Variants in PIP4P2 observed in about 807,000 individuals in gnomAD.
PIP4P2 encodes the protein type 2 phosphatidylinositol 4,5-bisphosphate 4-phosphatase.
Under a neutral mutation model 33.3 loss-of-function variants are expected in PIP4P2, and 19 were observed. That is an observed-to-expected ratio of 0.57 (90% CI 0.40 to 0.84). The LOEUF is 0.84. PIP4P2 is among the 40% of genes least tolerant of loss of function. PIP4P2 has a pLI of 0.00. For missense variants in PIP4P2, 270 were observed against 324.7 expected (o/e 0.83, Z 1.29); for synonymous variants, 110 against 111.9 (o/e 0.98, Z 0.11).
chr8:91,017,026 T>A (rs964611342), intron 4 of PIP4P2, among the ~76,000 whole-genome samples: 1 of 152,166 alleles, frequency 6.6e-6, no homozygotes, highest in African/African-American at 2.4e-5. Context: ...TTGTAAACAC[T>A]AAGTATTAAT....
At chr8:91,020,940 AGAAT>A (rs1167538862) in intron 2 of PIP4P2, among the ~76,000 whole-genome samples, 1 of 152,202 alleles carries the variant, frequency 6.6e-6, no homozygotes, top group Non-Finnish European at 1.5e-5. Context: ...AATGAAAACA[AGAAT>A]GAATGTAGTT....
At chr8:90,995,928 C>A in intron 6 of PIP4P2, 108 bp from the exon 7 acceptor site, 2 of 1,238,060 alleles carry the variant, frequency 1.6e-6, no homozygotes, top group East Asian at 5.2e-5. Flanking sequence ...TACCCCCAGA[C>A]CGAATACACA....
At chr8:91,004,220 G>A (rs1482316592) in intron 5 of PIP4P2, among the ~76,000 whole-genome samples, 1 of 152,124 alleles carries the variant, frequency 6.6e-6, no homozygotes, top group African/African-American at 2.4e-5. Context: ...ACTGGTGTAC[G>A]TCCCAGAGTC....
chr8:91,000,271 G>A (rs1811684323), intron 5 of PIP4P2, among the ~76,000 whole-genome samples: 4 of 151,648 alleles, frequency 2.6e-5, no homozygotes, highest in Admixed American at 2.0e-4. Context: ...TGGTACTGTC[G>A]TTTTGGCTAT....
chr8:91,022,141 C>T (rs1462936904), intron 1 of PIP4P2, among the ~76,000 whole-genome samples: 1 of 152,072 alleles, frequency 6.6e-6, no homozygotes, highest in Non-Finnish European at 1.5e-5. Flanking sequence ...ACCATAACAA[C>T]AACCACCACA....
At chr8:91,008,941 T>C (rs1346821280) in intron 4 of PIP4P2, 146 bp from the exon 5 acceptor site, 3 of 556,718 alleles carry the variant, frequency 5.4e-6, no homozygotes, top group African/African-American at 1.9e-5. Flanking sequence ...TTCCCTCCAA[T>C]ACTTCTCTCC....
At chr8:91,014,470 T>C (rs1324792376) in intron 4 of PIP4P2, among the ~76,000 whole-genome samples, 2 of 152,138 alleles carry the variant, frequency 1.3e-5, no homozygotes, top group African/African-American at 4.8e-5. Context: ...GAAGATATTA[T>C]GTTAAGTGAA....
intron 4 of PIP4P2, among the ~76,000 whole-genome samples, chr8:91,010,974 G>C (rs1368228226): frequency 9.6e-6 from 1 of 104,574 alleles, no homozygotes; most frequent in South Asian, 3.1e-4. Flanking sequence ...AAAAAAAAAA[G>C]CTATATTGCT....
rs1214945220 is a variant in PIP4P2 at position 91,024,397 on chromosome 8, A to G, written c.107-2993T>C. 1.0e-5 allele frequency: 4 copies of G among 389,076 alleles called. No individual in the cohort carries two copies. In the East Asian group the frequency reaches 3.0e-4, roughly 30 times the overall value. 24.1% of individuals were successfully genotyped at this position (389,076 alleles called of 1,614,324 possible). On this transcript the variant is annotated intron_variant, in intron 1 of 6. Transcript: ENST00000285419. ...ATAATTAGAATAAGATTATTAATTT[A>G]AATGATTAATAATTGGATTATTATA... is the stretch of plus-strand genomic sequence containing the variant.
Position 91,018,332 on chromosome 8 carries a change from T to C in PIP4P2, c.486+58A>G, listed in dbSNP as rs1189394991. 3.1e-6 allele frequency: 5 copies of C among 1,611,756 alleles called. No homozygotes were observed. In the South Asian group the frequency reaches 3.3e-5, roughly 11 times the overall value. ...AACTATAAGACTATGAGCAGTGCTC[T>C]AATCTGTAAGATCATGACCTATATT... On this transcript the variant is annotated intron_variant, in intron 4 of 6. Coordinates refer to ENST00000285419, the MANE Select transcript of PIP4P2 (RefSeq NM_018710.3).
At chr8:91,018,788 A>C (rs974236706) in intron 3 of PIP4P2, 2 of 323,204 alleles carry the variant, frequency 6.2e-6, no homozygotes, top group African/African-American at 4.2e-5. Context: ...TGTAAGTTCA[A>C]ATCAGAAAAC....
At position 91,040,640 on chromosome 8, in the gene PIP4P2, T is replaced by C; in HGVS notation, c.106+4A>G. ...CAAAGTAGAGGGATCTACGCTGGCC[T>C]TACCTCTGGGGCTGCTTTCTTGCAA... On this transcript the variant is annotated splice_donor_region_variant and intron_variant, in intron 1 of 6. Transcript: ENST00000285419. 4 of 1,613,742 alleles carry C rather than the reference T, an allele frequency of 2.5e-6. No individual in the cohort carries two copies. Among genetic ancestry groups the C allele is most frequent in the Non-Finnish European group, 3.4e-6 (4 of 1,179,990 alleles).
intron 4 of PIP4P2, among the ~76,000 whole-genome samples, chr8:91,014,481 A>C (rs187719918): frequency 2.7e-3 from 413 of 152,282 alleles, no homozygotes; most frequent in African/African-American, 9.0e-3. Context: ...GTTAAGTGAA[A>C]TAAGCCTGAC....
intron 5 of PIP4P2, among the ~76,000 whole-genome samples, chr8:91,001,690 T>G (rs539011909): frequency 2.6e-5 from 4 of 152,242 alleles, no homozygotes; most frequent in African/African-American, 9.6e-5. Context: ...ATTTAATAAT[T>G]ATAAATCTGA....
intron 4 of PIP4P2, among the ~76,000 whole-genome samples, chr8:91,015,773 C>T (rs1047855846): frequency 6.6e-5 from 10 of 152,102 alleles, no homozygotes; most frequent in Admixed American, 2.0e-4. Flanking sequence ...AACAGGACTT[C>T]GCATTCTGTA....
intron 5 of PIP4P2, among the ~76,000 whole-genome samples, chr8:91,001,815 T>C (rs932344748): frequency 6.6e-6 from 1 of 152,032 alleles, no homozygotes; most frequent in Non-Finnish European, 1.5e-5. Flanking sequence ...CAGATCTCAA[T>C]ATAAAAAAAT....
chr8:91,032,047 GC>G (rs1812170742), intron 1 of PIP4P2, among the ~76,000 whole-genome samples: 1 of 152,124 alleles, frequency 6.6e-6, no homozygotes, highest in African/African-American at 2.4e-5. Context: ...GGAAACTGAG[GC>G]CCTGAGATGT....
intron 4 of PIP4P2, among the ~76,000 whole-genome samples, chr8:91,012,728 G>C (rs1490466196): frequency 6.6e-6 from 1 of 152,144 alleles, no homozygotes; most frequent in Admixed American, 6.6e-5. Context: ...AAGTAAGGAA[G>C]AGCCAGCTTT....
At chr8:91,010,172 C>T (rs1424898326) in intron 4 of PIP4P2, among the ~76,000 whole-genome samples, 3 of 151,774 alleles carry the variant, frequency 2.0e-5, no homozygotes, top group Non-Finnish European at 4.4e-5. Flanking sequence ...TGGTATAGAA[C>T]ATTAAGCAGT....
Sources: allele counts gnomAD v4.1 joint callset (sites outside exome capture counted in the v4.1 genomes callset), GRCh38; gene constraint gnomAD v4.1.1; transcripts MANE v1.5; gene names NCBI Gene and HGNC (gene_info 2026-07-23, HGNC 2026-07-21).